FRMD4A: variants seen among roughly 807,000 people sequenced by gnomAD.
FRMD4A encodes the protein FERM domain containing 4A.
Under a neutral mutation model 129.1 loss-of-function variants are expected in FRMD4A, and 29 were observed. The observed-to-expected ratio is 0.22, with a 90% confidence interval of 0.17 to 0.31. FRMD4A has a LOEUF of 0.31. Among genes scored for constraint, FRMD4A ranks in the 10% least tolerant of loss-of-function variants. FRMD4A has a pLI of 1.00. For synonymous variants in FRMD4A, 634 were observed against 571.6 expected (o/e 1.11, Z -1.56); for missense variants, 1,272 against 1,375.8 (o/e 0.92, Z 1.19).
At chr10:14,264,360 C>T (rs958244858) in intron 2 of FRMD4A, among the ~76,000 whole-genome samples, 1 of 152,204 alleles carries the variant, frequency 6.6e-6, no homozygotes, top group Non-Finnish European at 1.5e-5. Flanking sequence ...ATCTTAATTC[C>T]ATGCAACCGC....
chr10:13,784,968 A>G (rs1024540383), intron 5 of FRMD4A, among the ~76,000 whole-genome samples: 3 of 149,666 alleles, frequency 2.0e-5, no homozygotes, highest in Non-Finnish European at 4.4e-5. Flanking sequence ...TCCAGCCTGA[A>G]CAACAGAGGG....
intron 2 of FRMD4A, among the ~76,000 whole-genome samples, chr10:14,026,640 C>T (rs921904749): frequency 2.6e-5 from 4 of 152,192 alleles, no homozygotes; most frequent in Admixed American, 2.0e-4. Context: ...ACAGACCTTC[C>T]TAGGGGCTCA....
Position 14,319,367 on chromosome 10 carries a change from T to TCTCTCTCTCTCACA in FRMD4A, c.45+10690_45+10691insTGTGAGAGAGAGAG, listed in dbSNP as rs112041665. 1.0e-4 allele frequency among the ~76,000 whole-genome samples: 15 copies of TCTCTCTCTCTCACA among 145,156 alleles called. No individual in the cohort carries two copies. In the South Asian group the frequency reaches 1.7e-3, roughly 17 times the overall value. On this transcript the variant is annotated intron_variant, in intron 2 of 24. Coordinates refer to ENST00000357447, the MANE Select transcript of FRMD4A (RefSeq NM_018027.5). Reference sequence around the variant, plus strand: ...TCTCTCTCCTCTCTCTCTCTCTCTCTCACACACACACACACACACATGATA... The same window carrying TCTCTCTCTCTCACA: ...TCTCTCTCCTCTCTCTCTCTCTCTCTCTCTCTCTCTCACACACACACACACACACACACATGATA...
intron 18 of FRMD4A, among the ~76,000 whole-genome samples, chr10:13,664,701 A>G (rs1304693707): frequency 8.7e-6 from 1 of 115,246 alleles, no homozygotes; most frequent in African/African-American, 3.7e-5. Context: ...TTACCATGTT[A>G]ACATTTTTTT....
intron 2 of FRMD4A, among the ~76,000 whole-genome samples, chr10:14,097,586 T>C (rs978623302): frequency 6.6e-6 from 1 of 152,188 alleles, no homozygotes; most frequent in African/African-American, 2.4e-5. Context: ...AACTTTGGAC[T>C]GTTGGATTCC....
At chr10:13,990,501 G>A (rs1047358680) in intron 2 of FRMD4A, among the ~76,000 whole-genome samples, 2 of 152,318 alleles carry the variant, frequency 1.3e-5, no homozygotes, top group African/African-American at 4.8e-5. Flanking sequence ...TAGGAAATGA[G>A]GGAGGAAAAT....
chr10:14,162,457 G>A (rs1361967385), intron 2 of FRMD4A, among the ~76,000 whole-genome samples: 2 of 152,192 alleles, frequency 1.3e-5, no homozygotes, highest in East Asian at 3.8e-4. Context: ...CCTCTGCAGC[G>A]AAAGCTGATG....
intron 8 of FRMD4A, among the ~76,000 whole-genome samples, chr10:13,752,711 A>G (rs2091684723): frequency 6.6e-6 from 1 of 152,216 alleles, no homozygotes; most frequent in African/African-American, 2.4e-5. Context: ...GAGCAGAATC[A>G]TGAAGGTCAA....
At chr10:13,889,017 G>C (rs1355365176) in intron 2 of FRMD4A, among the ~76,000 whole-genome samples, 5 of 152,214 alleles carry the variant, frequency 3.3e-5, no homozygotes, top group Non-Finnish European at 7.3e-5. Flanking sequence ...TATATGGCTT[G>C]CTGGACACGT....
intron 2 of FRMD4A, among the ~76,000 whole-genome samples, chr10:14,301,829 G>A (rs1846195005): frequency 6.6e-6 from 1 of 152,162 alleles, no homozygotes; most frequent in Non-Finnish European, 1.5e-5. Flanking sequence ...AATTGAGCTT[G>A]TGATTTTTTT....
chr10:14,238,271 G>A (rs1843902213), intron 2 of FRMD4A, among the ~76,000 whole-genome samples: 1 of 152,172 alleles, frequency 6.6e-6, no homozygotes, highest in South Asian at 2.1e-4. Context: ...GAGAAGTAGA[G>A]ACTTATTTAG....
chr10:13,904,036 G>A (rs1294895375), intron 2 of FRMD4A, among the ~76,000 whole-genome samples: 1 of 152,172 alleles, frequency 6.6e-6, no homozygotes, highest in Non-Finnish European at 1.5e-5. Flanking sequence ...CTCCACTTCT[G>A]AAATATCTAA....
chr10:13,891,596 C>T (rs1285472921), intron 2 of FRMD4A: 1 of 985,298 alleles, frequency 1.0e-6, no homozygotes, highest in Non-Finnish European at 1.2e-6. Context: ...CTCCCTGCCA[C>T]CGCGACCGGG....
chr10:13,912,974 G>A (rs2094959408), intron 2 of FRMD4A, among the ~76,000 whole-genome samples: 1 of 151,710 alleles, frequency 6.6e-6, no homozygotes, highest in Non-Finnish European at 1.5e-5. Flanking sequence ...TCCGGAGGTT[G>A]AGGCAGGAGA....
At chr10:14,077,977 G>C (rs1209839605) in intron 2 of FRMD4A, among the ~76,000 whole-genome samples, 1 of 152,142 alleles carries the variant, frequency 6.6e-6, no homozygotes, top group African/African-American at 2.4e-5. Flanking sequence ...GATGAGAAAG[G>C]TTTTATAAGG....
intron 2 of FRMD4A, among the ~76,000 whole-genome samples, chr10:14,211,091 G>T (rs983186942): frequency 3.3e-5 from 5 of 152,112 alleles, no homozygotes; most frequent in Admixed American, 6.6e-5. Context: ...TAGTTTAGAA[G>T]AACTAGGTTC....
At chr10:13,687,689 G>C (rs2085223958) in intron 15 of FRMD4A, among the ~76,000 whole-genome samples, 1 of 152,214 alleles carries the variant, frequency 6.6e-6, no homozygotes, top group South Asian at 2.1e-4. Flanking sequence ...GCAACAGAGA[G>C]ACGCAGCTAC....
At chr10:13,881,990 GGTGTGTGTGTGTGTGTGTGT>G (rs71388128) in intron 2 of FRMD4A, among the ~76,000 whole-genome samples, 38 of 15,644 alleles carry the variant, frequency 2.4e-3, no homozygotes, top group Non-Finnish European at 8.3e-3. Context: ...GAGAGGCAAG[GGTGTGTGTGTGTGTGTGTGT>G]GTGTGTGTGT....
intron 2 of FRMD4A, among the ~76,000 whole-genome samples, chr10:14,327,609 G>T (rs1047266626): frequency 6.6e-6 from 1 of 152,202 alleles, no homozygotes; most frequent in African/African-American, 2.4e-5. Flanking sequence ...AACATGCTCT[G>T]CCCTGAAGCA....
Sources: gnomAD v4.1 joint callset for allele counts (sites outside exome capture counted in the v4.1 genomes callset) on GRCh38, gnomAD v4.1.1 for gene constraint, MANE v1.5 for transcripts, NCBI Gene and HGNC (gene_info 2026-07-23, HGNC 2026-07-21) for gene names.